Variants in ELMO1 observed in about 807,000 individuals in gnomAD.
ELMO1 encodes engulfment and cell motility protein 1.
A neutral mutation model predicts 98.9 loss-of-function variants in ELMO1; 26 were observed. The ratio of observed to expected loss-of-function variants is 0.26; its 90% CI spans 0.19 to 0.36. ELMO1 has a LOEUF of 0.36. Ranked by LOEUF, ELMO1 falls within the 10% of genes least tolerant of loss-of-function variation. The pLI, the probability that ELMO1 is intolerant of heterozygous loss-of-function variation, is 1.00. For missense variants in ELMO1, 627 were observed against 935.2 expected, an observed-to-expected ratio of 0.67 and a Z score of 4.30; for synonymous variants, 346 against 346.0, an observed-to-expected ratio of 1.00 and a Z score of 0.00.
At chr7:37,316,054 A>G in intron 2 of ELMO1, 94 bp from the exon 3 acceptor site, 1 of 1,026,442 alleles carries the variant, frequency 9.7e-7, no homozygotes, top group Non-Finnish European at 1.4e-6. Flanking sequence ...TTATCTAAGC[A>G]AAGAGAATTT....
chr7:37,188,511 A>AATG (rs1354021644), intron 13 of ELMO1, among the ~76,000 whole-genome samples: 3 of 146,392 alleles, frequency 2.0e-5, no homozygotes, highest in Non-Finnish European at 4.5e-5. Context: ...AAATAATAAT[A>AATG]ATAATAATAA....
chr7:37,178,112 G>A (rs963658892), intron 13 of ELMO1, among the ~76,000 whole-genome samples: 9 of 151,856 alleles, frequency 5.9e-5, no homozygotes, highest in Non-Finnish European at 8.8e-5. Flanking sequence ...ATGTTAGTCC[G>A]TTTTCATGCT....
Position 36,980,422 on chromosome 7 carries a change from G to A in ELMO1, c.1437+32877C>T, listed in dbSNP as rs147041700. 2.8e-3 allele frequency among the ~76,000 whole-genome samples: 429 copies of A among 152,328 alleles called. 3 individuals carry two copies. Among genetic ancestry groups the A allele is most frequent in the African/African-American group, 9.7e-3 (403 of 41,566 alleles). On this transcript the variant is annotated intron_variant, in intron 16 of 21. Transcript: ENST00000310758. The stretch of plus-strand genomic sequence containing the variant: ...GCGCCAGAAGACAGACGGATAGATA[G>A]TTCAGAAGTTTGACGCATATATGAC...
At position 37,188,501 on chromosome 7, in the gene ELMO1, A is replaced by AAAAAAAAAT. The variant is rs764889756; in HGVS notation, c.1086+22884_1086+22885insATTTTTTTT. Among the ~76,000 whole-genome samples, 69 of 125,938 alleles carry AAAAAAAAAT rather than the reference A, an allele frequency of 5.5e-4. 1 individual carries two copies. Among genetic ancestry groups the AAAAAAAAAT allele is most frequent in the East Asian group, 1.1e-3 (5 of 4,546 alleles). 82.6% of individuals were successfully genotyped at this position (125,938 alleles called of 152,430 possible). A position where few individuals can be genotyped will look rare whatever the true frequency, so the allele number is the denominator to read the frequency against. ...CTGGAGAAAGGTAAAAAAAAAAAAA[A>AAAAAAAAAT]AATAATAATAATAATAATAATAATA... On this transcript the variant is annotated intron_variant, in intron 13 of 21. Transcript: ENST00000310758.
chr7:37,271,741 G>T (rs1796568841), intron 5 of ELMO1, 91 bp downstream of exon 5: 1 of 1,420,368 alleles, frequency 7.0e-7, no homozygotes, highest in African/African-American at 1.4e-5. Context: ...TTGCACTAAA[G>T]TCAACCTCAA....
chr7:36,959,178 C>T (rs1334405819), intron 16 of ELMO1, among the ~76,000 whole-genome samples: 1 of 152,014 alleles, frequency 6.6e-6, no homozygotes, highest in East Asian at 1.9e-4. Flanking sequence ...CAGAGCATGC[C>T]CACTCCTTGT....
chr7:37,003,278 C>T (rs1289412047), intron 16 of ELMO1, among the ~76,000 whole-genome samples: 1 of 152,102 alleles, frequency 6.6e-6, no homozygotes, highest in African/African-American at 2.4e-5. Flanking sequence ...ATCCCGGGTA[C>T]TCGGGAGGCT....
intron 13 of ELMO1, among the ~76,000 whole-genome samples, chr7:37,157,007 T>G (rs1472034971): frequency 6.6e-6 from 1 of 152,178 alleles, no homozygotes; most frequent in African/African-American, 2.4e-5. Context: ...GCAAGGCTGG[T>G]TCAACATATG....
chr7:37,189,903 T>A (rs1791463451), intron 13 of ELMO1, among the ~76,000 whole-genome samples: 1 of 152,052 alleles, frequency 6.6e-6, no homozygotes, highest in South Asian at 2.1e-4. Flanking sequence ...TATCAGTTGG[T>A]TTTTATGGAT....
chr7:37,125,027 A>C (rs1451285727), intron 14 of ELMO1, among the ~76,000 whole-genome samples: 1 of 152,162 alleles, frequency 6.6e-6, no homozygotes, highest in East Asian at 1.9e-4. Flanking sequence ...CAAAAACAAG[A>C]AATGGGGAAA....
In ELMO1 at chr7:37,209,915, T is replaced by G. The variant is rs1792857416; in HGVS notation, c.1086+1471A>C. 2.6e-5 allele frequency among the ~76,000 whole-genome samples: 4 copies of G among 152,216 alleles called. No homozygotes were observed. The South Asian group carries it at 6.2e-4, about 24-fold the overall frequency. Reference sequence around the variant, plus strand: ...AAGGTCGAAACATAAAATATAATGATACAAAAATAATTTCAGAATACCTCT... The same window carrying G: ...AAGGTCGAAACATAAAATATAATGAGACAAAAATAATTTCAGAATACCTCT... On this transcript the variant is annotated intron_variant, in intron 13 of 21. Coordinates refer to ENST00000310758, the MANE Select transcript of ELMO1 (RefSeq NM_014800.11).
At chr7:36,867,543 C>A (rs1803128492) in intron 20 of ELMO1, among the ~76,000 whole-genome samples, 1 of 151,888 alleles carries the variant, frequency 6.6e-6, no homozygotes, top group Non-Finnish European at 1.5e-5. Flanking sequence ...TTCTTTTCTT[C>A]TGCTTGCTTT....
At chr7:36,988,599 C>A (rs1225994193) in intron 16 of ELMO1, among the ~76,000 whole-genome samples, 1 of 152,096 alleles carries the variant, frequency 6.6e-6, no homozygotes. Context: ...CAAATAATCA[C>A]TTAGTGAGAT....
At chr7:37,078,621 T>C (rs931783896) in intron 15 of ELMO1, among the ~76,000 whole-genome samples, 2 of 152,220 alleles carry the variant, frequency 1.3e-5, no homozygotes, top group Admixed American at 6.5e-5. Context: ...TAAAAAGCTT[T>C]AAGATTTCAA....
intron 14 of ELMO1, among the ~76,000 whole-genome samples, chr7:37,123,828 C>A (rs1318215162): frequency 2.6e-5 from 4 of 152,016 alleles, no homozygotes; most frequent in Non-Finnish European, 4.4e-5. Context: ...GGCAGAGACA[C>A]AACAAAAAAA....
intron 4 of ELMO1, among the ~76,000 whole-genome samples, chr7:37,290,864 G>C (rs891201968): frequency 2.6e-5 from 4 of 151,976 alleles, no homozygotes; most frequent in East Asian, 1.9e-4. Flanking sequence ...TGATGATGAT[G>C]ATGATGACAG....
chr7:36,953,166 C>T (rs1174489416), intron 16 of ELMO1, among the ~76,000 whole-genome samples: 7 of 151,880 alleles, frequency 4.6e-5, no homozygotes, highest in Non-Finnish European at 1.0e-4. Flanking sequence ...TGGGGTTTCA[C>T]CATGTTAGCC....
chr7:37,000,765 C>A (rs970523724), intron 16 of ELMO1, among the ~76,000 whole-genome samples: 1 of 151,930 alleles, frequency 6.6e-6, no homozygotes, highest in Non-Finnish European at 1.5e-5. Flanking sequence ...AAAGAACAAG[C>A]GCCATTACTG....
At chr7:37,328,865 C>T (rs1369715866) in intron 2 of ELMO1, among the ~76,000 whole-genome samples, 1 of 152,166 alleles carries the variant, frequency 6.6e-6, no homozygotes, top group Non-Finnish European at 1.5e-5. Flanking sequence ...TAACCTCAAA[C>T]TCAAATCTTA....
Sources: gnomAD v4.1 joint callset for allele counts (sites outside exome capture counted in the v4.1 genomes callset) on GRCh38, gnomAD v4.1.1 for gene constraint, MANE v1.5 for transcripts, NCBI Gene and HGNC (gene_info 2026-07-23, HGNC 2026-07-21) for gene names.